The following SLC3A1 variants were observed in gnomAD, a reference collection of about 807,000 sequenced individuals.
SLC3A1 encodes solute carrier family 3 member 1.
A neutral mutation model predicts 60.3 loss-of-function variants in SLC3A1; 78 were observed. The observed-to-expected ratio is 1.29, with a 90% CI of 1.08 to 1.56. The LOEUF (loss-of-function observed/expected upper bound fraction) is 1.56. SLC3A1 is among the 40% of genes most tolerant of loss of function. SLC3A1 has a pLI of 0.00. For missense variants in SLC3A1, 1,172 were observed against 858.9 expected, an observed-to-expected ratio of 1.36 and a Z score of -4.56; for synonymous variants, 392 against 307.9, an observed-to-expected ratio of 1.27 and a Z score of -2.86.
At chr2:44,283,392 A>G (rs1002709915) in intron 3 of SLC3A1, among the ~76,000 whole-genome samples, 2 of 152,202 alleles carry the variant, frequency 1.3e-5, no homozygotes, top group Non-Finnish European at 2.9e-5. Flanking sequence ...GCAAACATTT[A>G]CAAAATACTT....
intron 4 of SLC3A1, among the ~76,000 whole-genome samples, chr2:44,299,274 G>C (rs1413021054): frequency 2.0e-5 from 3 of 151,770 alleles, no homozygotes; most frequent in Non-Finnish European, 2.9e-5. Context: ...CCTGACCTCA[G>C]GTGATCCGCC....
At chr2:44,282,774 A>T (rs566264538) in intron 3 of SLC3A1, among the ~76,000 whole-genome samples, 1 of 151,460 alleles carries the variant, frequency 6.6e-6, no homozygotes, top group Admixed American at 6.6e-5. Flanking sequence ...CCTCCCAGCT[A>T]TTCCTCCCAA....
rs79014144 is a variant in SLC3A1 at position 44,314,373 on chromosome 2, C to T, written c.1617+422C>T. 8.3e-3 allele frequency: 2,807 copies of T among 339,670 alleles called. 68 individuals carry two copies. The highest frequency in any genetic ancestry group is 0.053 in the African/African-American group (2,579 of 48,628). 21.0% of individuals were successfully genotyped at this position (339,670 alleles called of 1,614,324 possible). A position where few individuals can be genotyped will look rare whatever the true frequency, so the allele number is the denominator to read the frequency against. ...CAGAGCAAGGCTCAAATCCACACTA[C>T]TGTTCTGAAGAAACAGAAGCCATAC... On this transcript the variant is annotated intron_variant, in intron 9 of 9. Transcript: ENST00000260649.
At chr2:44,301,421 A>C in intron 6 of SLC3A1, 1 of 590,162 alleles carries the variant, frequency 1.7e-6, no homozygotes, top group South Asian at 2.0e-5. Flanking sequence ...AATGTTAGCC[A>C]TGAGCTATTA....
intron 4 of SLC3A1, among the ~76,000 whole-genome samples, chr2:44,293,508 C>G (rs1450808891): frequency 9.0e-6 from 1 of 111,402 alleles, no homozygotes; most frequent in Non-Finnish European, 2.1e-5. Flanking sequence ...CAGAGCAAGA[C>G]ACCGTTTTAG....
intron 7 of SLC3A1, among the ~76,000 whole-genome samples, chr2:44,305,254 G>A (rs1022989850): frequency 3.3e-5 from 5 of 152,040 alleles, no homozygotes; most frequent in African/African-American, 1.2e-4. Context: ...TGCTTTCCCT[G>A]ATCTGATTTT....
chr2:44,311,433 TTTTC>T (rs1158128490), intron 7 of SLC3A1, among the ~76,000 whole-genome samples: 4 of 152,288 alleles, frequency 2.6e-5, no homozygotes, highest in African/African-American at 4.8e-5. Flanking sequence ...TATTTTCCTG[TTTTC>T]TTTGACTGTT....
At chr2:44,281,125 T>C (rs904282780) in intron 2 of SLC3A1, among the ~76,000 whole-genome samples, 20 of 147,382 alleles carry the variant, frequency 1.4e-4, no homozygotes, top group African/African-American at 4.8e-4. Context: ...ATCTCCTTTC[T>C]TCCCCTCCCC....
At chr2:44,315,705 T>C (rs1314090293) in intron 9 of SLC3A1, among the ~76,000 whole-genome samples, 1 of 99,816 alleles carries the variant, frequency 1.0e-5, no homozygotes, top group Non-Finnish European at 2.2e-5. Flanking sequence ...GTCTAAAACA[T>C]ACAGGAGAAA....
intron 7 of SLC3A1, among the ~76,000 whole-genome samples, chr2:44,306,024 T>A (rs1672146360): frequency 6.6e-6 from 1 of 152,200 alleles, no homozygotes; most frequent in South Asian, 2.1e-4. Flanking sequence ...GTTCCCAGCA[T>A]CCTTGCACGG....
Position 44,300,074 on chromosome 2 carries a change from A to ATT in SLC3A1, c.996_997insTT (p.Lys333LeufsTer63). On this transcript the variant is annotated frameshift_variant, in exon 5 of 10. Coordinates refer to ENST00000260649, the MANE Select transcript of SLC3A1 (RefSeq NM_000341.4). LOFTEE classifies it high-confidence loss of function. The stretch of plus-strand genomic sequence containing the variant: ...CACCTGAGAGATGAGATCCAAGTAA[A>ATT]TAAGACCCAAATCCCGGTAAAGTTT... 1 of 1,614,054 alleles carries ATT rather than the reference A, an allele frequency of 6.2e-7. No individual in the cohort carries two copies. The highest frequency in any genetic ancestry group is 1.1e-5 in the South Asian group (1 of 91,078).
At chr2:44,282,615 G>A (rs900572656) in intron 3 of SLC3A1, among the ~76,000 whole-genome samples, 1 of 152,052 alleles carries the variant, frequency 6.6e-6, no homozygotes, top group Non-Finnish European at 1.5e-5. Flanking sequence ...AAATTTTTTA[G>A]TGTGGACCAT....
intron 4 of SLC3A1, among the ~76,000 whole-genome samples, chr2:44,287,463 G>C (rs1479005975): frequency 6.6e-6 from 1 of 152,150 alleles, no homozygotes; most frequent in Middle Eastern, 3.2e-3. Context: ...GCCAAACTTA[G>C]CAAAGAAAAA....
At chr2:44,301,297 T>G in intron 6 of SLC3A1, 170 bp downstream of exon 6, 1 of 818,366 alleles carries the variant, frequency 1.2e-6, no homozygotes, top group Non-Finnish European at 2.0e-6. Context: ...CTTTCCTGTT[T>G]GCTTATTTTG....
At chr2:44,320,145 T>C in intron 9 of SLC3A1, 54 bp from the exon 10 acceptor site, 1 of 1,459,106 alleles carries the variant, frequency 6.9e-7, no homozygotes, top group Non-Finnish European at 9.5e-7. Flanking sequence ...TAAAAATACT[T>C]ACAAACAATT....
chr2:44,302,559 G>C (rs1284306925), intron 6 of SLC3A1, among the ~76,000 whole-genome samples: 2 of 152,166 alleles, frequency 1.3e-5, no homozygotes. Context: ...TGAAGCAGTT[G>C]GGCTCCAGAG....
At chr2:44,280,578 A>G (rs1015213410) in intron 1 of SLC3A1, 138 bp from the exon 2 acceptor site, 2 of 677,302 alleles carry the variant, frequency 3.0e-6, no homozygotes, top group Non-Finnish European at 5.2e-6. Context: ...TCCTATTTGA[A>G]TTATACTCAA....
chr2:44,321,550 C>A, downstream of SLC3A1: 1 of 1,510,130 alleles, frequency 6.6e-7, no homozygotes, highest in South Asian at 1.3e-5. Flanking sequence ...GTGAAGTCAG[C>A]AATTTATGGC....
In SLC3A1 at chr2:44,320,946, T is replaced by C. The variant is rs544533993; in HGVS notation, c.*307T>C. On this transcript the variant is annotated 3_prime_UTR_variant, in exon 10 of 10. Coordinates refer to ENST00000260649, the MANE Select transcript of SLC3A1 (RefSeq NM_000341.4). ...ATTTTAAGGGGAAGAATTTTATCTTTTCCCTTAAAATGCAGTCATAGAAAT... is the reference window on the plus strand; with the variant it reads ...ATTTTAAGGGGAAGAATTTTATCTTCTCCCTTAAAATGCAGTCATAGAAAT... 2.4e-6 allele frequency: 1 copy of C among 417,440 alleles called. No individual in the cohort carries two copies. Among genetic ancestry groups the C allele is most frequent in the Admixed American group, 4.0e-5 (1 of 25,310 alleles). 25.9% of individuals were successfully genotyped at this position (417,440 alleles called of 1,614,324 possible). A position where few individuals can be genotyped will look rare whatever the true frequency, so the allele number is the denominator to read the frequency against.
Sources: gnomAD v4.1 joint callset for allele counts (sites outside exome capture counted in the v4.1 genomes callset) on GRCh38, gnomAD v4.1.1 for gene constraint, MANE v1.5 for transcripts, NCBI Gene and HGNC (gene_info 2026-07-23, HGNC 2026-07-21) for gene names.